MAFK: variants seen among roughly 807,000 people sequenced by gnomAD.
MAFK encodes transcription factor MafK.
A neutral mutation model predicts 9.2 loss-of-function variants in MAFK; 1 was observed. The observed-to-expected ratio is 0.11, with a 90% CI of 0.04 to 0.52. MAFK has a LOEUF of 0.52. MAFK is among the 20% of genes least tolerant of loss of function. The probability of loss-of-function intolerance (pLI) is 0.94; values close to 1 mark genes in which losing one functional copy is unlikely to be tolerated. For missense variants in MAFK, 207 were observed against 236.0 expected, an observed-to-expected ratio of 0.88 and a Z score of 0.81; for synonymous variants, 110 against 107.4, an observed-to-expected ratio of 1.02 and a Z score of -0.15.
intron 1 of MAFK, among the ~76,000 whole-genome samples, 189 bp downstream of exon 1, chr7:1,531,087 C>A (rs1419188402): frequency 6.8e-6 from 1 of 148,070 alleles, no homozygotes; most frequent in Non-Finnish European, 1.5e-5. Flanking sequence ...CCAGGTGGGC[C>A]CCGCCCCGCA....
At position 1,534,415 on chromosome 7, in the gene MAFK, AG is replaced by A; in HGVS notation, c.-45+3519del. 1 of 437,536 alleles carries A rather than the reference AG, an allele frequency of 2.3e-6. No individual in the cohort carries two copies. Among genetic ancestry groups the A allele is most frequent in the South Asian group, 1.6e-5 (1 of 63,588 alleles). 27.1% of individuals were successfully genotyped at this position (437,536 alleles called of 1,614,324 possible). ...TCTCTGGCAGAAAGGCTCCTGGGAG[AG>A]GCGGGTACACCTTGGGTGGCCTCTG... is the stretch of plus-strand genomic sequence containing the variant. On this transcript the variant is annotated intron_variant, in intron 1 of 2. Coordinates refer to ENST00000343242, the MANE Select transcript of MAFK (RefSeq NM_002360.4). The surrounding 1 kb of genome is among the most constrained non-coding windows in gnomAD (Gnocchi z 4.3).
intron 1 of MAFK, among the ~76,000 whole-genome samples, chr7:1,531,341 C>A (rs1486576219): frequency 6.6e-6 from 1 of 151,992 alleles, no homozygotes; most frequent in Non-Finnish European, 1.5e-5. Context: ...TCCGCCCCAG[C>A]GTGGCTTCCG....
chr7:1,538,966 A>C, intron 1 of MAFK, 183 bp from the exon 2 acceptor site: 1 of 579,820 alleles, frequency 1.7e-6, no homozygotes, highest in Non-Finnish European at 3.0e-6. Context: ...CCGGGCCAGG[A>C]TGCCTCACCC....
chr7:1,531,041 C>T (rs1465512898), intron 1 of MAFK, 143 bp downstream of exon 1: 1 of 146,936 alleles, frequency 6.8e-6, no homozygotes. Context: ...GGGCCCGAGA[C>T]CCTCATGCGG....
At position 1,540,586 on chromosome 7, in the gene MAFK, ACACT is replaced by A; in HGVS notation, c.*215_*218del. 4 of 562,872 alleles carry A rather than the reference ACACT, an allele frequency of 7.1e-6. No individual in the cohort carries two copies. Among genetic ancestry groups the A allele is most frequent in the African/African-American group, 1.9e-5 (1 of 51,316 alleles). The allele number at this position is 562,872 out of a possible 1,614,324, so 34.9% of individuals were successfully genotyped here. A position where few individuals can be genotyped will look rare whatever the true frequency, so the allele number is the denominator to read the frequency against. ...CAGAGCTGCACGCCGGTCCACAGAC[ACACT>A]CACGCCCGCCACCTGCTCCCCGCAG... On this transcript the variant is annotated 3_prime_UTR_variant, in exon 3 of 3. Transcript: ENST00000343242.
chr7:1,540,413 C>T lies in MAFK; in HGVS notation c.*38C>T, dbSNP rs1427530602. 7.9e-5 allele frequency: 13 copies of T among 164,958 alleles called. No homozygotes were observed. Among genetic ancestry groups the T allele is most frequent in the Admixed American group, 1.7e-4 (2 of 11,490 alleles). The allele number at this position is 164,958 out of a possible 1,614,324, so 10.2% of individuals were successfully genotyped here. Reference sequence around the variant, plus strand: ...GCGGGGGGTGGCGGGCGGCGGGCGGCGGGCAGGCGGGTGGGGGCACACCCC... The same window carrying T: ...GCGGGGGGTGGCGGGCGGCGGGCGGTGGGCAGGCGGGTGGGGGCACACCCC... On this transcript the variant is annotated 3_prime_UTR_variant, in exon 3 of 3. Transcript: ENST00000343242.
At position 1,542,809 on chromosome 7, in the gene MAFK, G is replaced by GCCGCCACA. The variant is rs1324307896; in HGVS notation, c.*2440_*2447dup. On this transcript the variant is annotated 3_prime_UTR_variant, in exon 3 of 3. Transcript: ENST00000343242. ...GGACCCCGGCCCCCTATGCCGCCACGCCGCCACACCGCCTCACCCTGGCTT... is the reference window on the plus strand; with the variant it reads ...GGACCCCGGCCCCCTATGCCGCCACGCCGCCACACCGCCACACCGCCTCACCCTGGCTT... The GCCGCCACA allele has an allele frequency of 6.6e-5, 10 of 152,564 alleles. No homozygotes were observed. The East Asian group carries it at 1.2e-3, about 18-fold the overall frequency. The allele number at this position is 152,564 out of a possible 1,614,324, so 9.5% of individuals were successfully genotyped here. A position where few individuals can be genotyped will look rare whatever the true frequency, so the allele number is the denominator to read the frequency against.
Position 1,540,525 on chromosome 7 carries a change from CTG to C in MAFK, c.*152_*153del. 2 of 814,228 alleles carry C rather than the reference CTG, an allele frequency of 2.5e-6. No homozygotes were observed. The highest frequency in any genetic ancestry group is 1.9e-6 in the Non-Finnish European group (1 of 535,092). 50.4% of individuals were successfully genotyped at this position (814,228 alleles called of 1,614,324 possible). On this transcript the variant is annotated 3_prime_UTR_variant, in exon 3 of 3. Transcript: ENST00000343242. ...GCAGGCAGCTCACACCAGGAAGAGA[CTG>C]TATTGCAGGGTGAAGAGTGGGCTCC...
chr7:1,533,221 G>A (rs1040541179), intron 1 of MAFK, among the ~76,000 whole-genome samples: 1 of 152,196 alleles, frequency 6.6e-6, no homozygotes, highest in Non-Finnish European at 1.5e-5. Flanking sequence ...CTGCTTCTCC[G>A]CACTGTGCGT....
intron 1 of MAFK, among the ~76,000 whole-genome samples, chr7:1,533,560 C>A (rs1387278739): frequency 1.3e-5 from 2 of 152,106 alleles, no homozygotes; most frequent in South Asian, 2.1e-4. Flanking sequence ...TTGGGAGGAA[C>A]CCCCAAGACT....
At chr7:1,539,838 G>A (rs1026267353) in intron 2 of MAFK, 103 bp from the exon 3 acceptor site, 7 of 1,009,514 alleles carry the variant, frequency 6.9e-6, no homozygotes, top group Middle Eastern at 3.2e-4. Context: ...CCCTGAGAGC[G>A]CAGGCGTGCA....
At position 1,534,547 on chromosome 7, in the gene MAFK, C is replaced by A. The variant is rs145176413; in HGVS notation, c.-45+3649C>A. 2.2e-6 allele frequency: 1 copy of A among 455,928 alleles called. No individual in the cohort carries two copies. The highest frequency in any genetic ancestry group is 2.4e-5 in the Admixed American group (1 of 42,552). The allele number at this position is 455,928 out of a possible 1,614,324, so 28.2% of individuals were successfully genotyped here. ...ACCCGTGTCTCTCGCACAGAGCTCC[C>A]GTCCTCCGTTCCTGGTCTTCCTCCT... On this transcript the variant is annotated intron_variant, in intron 1 of 2. Coordinates refer to ENST00000343242, the MANE Select transcript of MAFK (RefSeq NM_002360.4). The surrounding 1 kb of genome is among the most constrained non-coding windows in gnomAD (Gnocchi z 4.3).
In MAFK at chr7:1,542,842, A is replaced by T. The variant is rs1784230614; in HGVS notation, c.*2467A>T. 6.6e-6 allele frequency: 1 copy of T among 152,554 alleles called. No individual in the cohort carries two copies. Among genetic ancestry groups the T allele is most frequent in the African/African-American group, 2.4e-5 (1 of 41,414 alleles). 9.5% of individuals were successfully genotyped at this position (152,554 alleles called of 1,614,324 possible). On this transcript the variant is annotated 3_prime_UTR_variant, in exon 3 of 3. Transcript: ENST00000343242. ...ACCGCCTCACCCTGGCTTCTGTGCT[A>T]CTTGGCAGTTCCATTTCATTATTTA...
Position 1,539,212 on chromosome 7 carries a change from C to A in MAFK, c.20C>A (p.Pro7Gln). 6.2e-7 allele frequency: 1 copy of A among 1,611,900 alleles called. No individual in the cohort carries two copies. The highest frequency in any genetic ancestry group is 8.5e-7 in the Non-Finnish European group (1 of 1,179,146). MTTNPKPNKALKVKKEA... is the reference protein window; with the variant it reads MTTNPKQNKALKVKKEA... Reference sequence around the variant, plus strand: ...CGGGTTATGACGACTAATCCCAAACCGAATAAGGCATTAAAGGTAAGGCTG... The same window carrying A: ...CGGGTTATGACGACTAATCCCAAACAGAATAAGGCATTAAAGGTAAGGCTG... The change falls in exon 2 of 3, where the codon CCG (proline) becomes CAG (glutamine). Residue 7 changes from proline to glutamine, a missense_variant. Pro to Gln is a moderately conservative substitution (Grantham distance 76). Coordinates refer to ENST00000343242, the MANE Select transcript of MAFK (RefSeq NM_002360.4).
Position 1,540,418 on chromosome 7 carries a change from A to C in MAFK, c.*43A>C, listed in dbSNP as rs1262451278. On this transcript the variant is annotated 3_prime_UTR_variant, in exon 3 of 3. Coordinates refer to ENST00000343242, the MANE Select transcript of MAFK (RefSeq NM_002360.4). ...GGGTGGCGGGCGGCGGGCGGCGGGC[A>C]GGCGGGTGGGGGCACACCCCTCGTA... 3.2e-6 allele frequency: 1 copy of C among 311,350 alleles called. No homozygotes were observed. 19.3% of individuals were successfully genotyped at this position (311,350 alleles called of 1,614,324 possible).
chr7:1,540,592 ACGCCCGC>A lies in MAFK; in HGVS notation c.*219_*225del. 1 of 547,350 alleles carries A rather than the reference ACGCCCGC, an allele frequency of 1.8e-6. No homozygotes were observed. Among genetic ancestry groups the A allele is most frequent in the Admixed American group, 3.6e-5 (1 of 27,574 alleles). 33.9% of individuals were successfully genotyped at this position (547,350 alleles called of 1,614,324 possible). ...TGCACGCCGGTCCACAGACACACTC[ACGCCCGC>A]CACCTGCTCCCCGCAGGATGTGTCT... On this transcript the variant is annotated 3_prime_UTR_variant, in exon 3 of 3. Transcript: ENST00000343242.
intron 1 of MAFK, among the ~76,000 whole-genome samples, chr7:1,531,326 C>CGGCTTCCGCCCCAGCGT (rs1363894166): frequency 5.1e-4 from 77 of 151,958 alleles, no homozygotes; most frequent in African/African-American, 1.8e-3. Flanking sequence ...GGATTCTCCG[C>CGGCTTCCGCCCCAGCGT]GGCTTCCGCC....
chr7:1,539,147 AGCTAC>A lies in MAFK; in HGVS notation c.-44_-40del, dbSNP rs754282349. On this transcript the variant is annotated splice_acceptor_variant and 5_prime_UTR_variant, in exon 2 of 3. Coordinates refer to ENST00000343242, the MANE Select transcript of MAFK (RefSeq NM_002360.4). LOFTEE classifies it low-confidence loss of function (5UTR_SPLICE). ...GCTTCTCTGCTTGTCCATGTTTTCCAGCTACGAGTTCCAGGGAGCTCTGTCCTGGT... is the reference window on the plus strand; with the variant it reads ...GCTTCTCTGCTTGTCCATGTTTTCCAGAGTTCCAGGGAGCTCTGTCCTGGT... The A allele has an allele frequency of 1.5e-4, 236 of 1,612,412 alleles. No individual in the cohort carries two copies. The highest frequency in any genetic ancestry group is 6.8e-6 in the Non-Finnish European group (8 of 1,179,112).
At chr7:1,537,596 G>T in intron 1 of MAFK, 1 of 985,568 alleles carries the variant, frequency 1.0e-6, no homozygotes, top group Non-Finnish European at 1.2e-6. Context: ...CCGTCCCCGG[G>T]ACCGGCTGGT....
Sources: gnomAD v4.1 joint callset for allele counts (sites outside exome capture counted in the v4.1 genomes callset) on GRCh38, gnomAD v4.1.1 for gene constraint, Gnocchi (gnomAD v3.1) non-coding constraint, MANE v1.5 for transcripts, NCBI Gene and HGNC (gene_info 2026-07-23, HGNC 2026-07-21) for gene names.